Variants in NRXN3 observed in about 807,000 individuals in gnomAD.
NRXN3 encodes the protein neurexin 3.
In NRXN3, 32 loss-of-function variants were observed where a neutral mutation model predicts 137.6. The observed-to-expected ratio is 0.23, with a 90% CI of 0.18 to 0.31. NRXN3 has a LOEUF of 0.31. Among genes scored for constraint, NRXN3 ranks in the 10% least tolerant of loss-of-function variants. The probability of loss-of-function intolerance (pLI) is 1.00; values close to 1 mark genes in which losing one functional copy is unlikely to be tolerated. For synonymous variants in NRXN3, 798 were observed against 784.5 expected (o/e 1.02, Z -0.29); for missense variants, 1,574 against 2,062.5 (o/e 0.76, Z 4.59).
At chr14:79,442,413 A>G (rs1269255605) in intron 15 of NRXN3, among the ~76,000 whole-genome samples, 4 of 152,218 alleles carry the variant, frequency 2.6e-5, no homozygotes, top group African/African-American at 9.6e-5. Flanking sequence ...GCTCATAATA[A>G]TAATGGTTCC....
chr14:78,840,127 A>G (rs1406201188), intron 10 of NRXN3, among the ~76,000 whole-genome samples: 3 of 152,202 alleles, frequency 2.0e-5, no homozygotes. Context: ...TTCTTCTGAG[A>G]GAACTATTTG....
chr14:79,743,347 A>C (rs1228369562), intron 19 of NRXN3, among the ~76,000 whole-genome samples: 3 of 152,168 alleles, frequency 2.0e-5, no homozygotes, highest in Admixed American at 6.5e-5. Flanking sequence ...GTGGTTCCCA[A>C]GGAGGTGGAG....
chr14:78,778,765 T>TTTCC (rs2098756146), intron 8 of NRXN3, among the ~76,000 whole-genome samples: 1 of 36,586 alleles, frequency 2.7e-5, no homozygotes, highest in African/African-American at 1.3e-4. Context: ...TTTCTCTTTC[T>TTTCC]TTCTTTCTTT....
chr14:79,118,439 C>A (rs2054837198), intron 15 of NRXN3, among the ~76,000 whole-genome samples: 1 of 152,146 alleles, frequency 6.6e-6, no homozygotes, highest in Non-Finnish European at 1.5e-5. Context: ...ACAGGCCAAG[C>A]ATTTAAGTGT....
chr14:78,926,850 AT>A lies in NRXN3; in HGVS notation c.2276-30390del, dbSNP rs1179687531. Among the ~76,000 whole-genome samples, 3 of 22,162 alleles carry A rather than the reference AT, an allele frequency of 1.4e-4. 1 individual carries two copies. The highest frequency in any genetic ancestry group is 7.8e-4 in the African/African-American group (2 of 2,580). The allele number at this position is 22,162 out of a possible 152,430, so 14.5% of individuals were successfully genotyped here. On this transcript the variant is annotated intron_variant, in intron 10 of 20. Coordinates refer to ENST00000335750, the MANE Select transcript of NRXN3 (RefSeq NM_001330195.2). ...TATAATTTATATAAATATATAATAT[AT>A]TATATATATAATATATATATAATAT...
chr14:78,629,733 G>C (rs72683559), intron 4 of NRXN3, among the ~76,000 whole-genome samples: 9,289 of 152,294 alleles, frequency 0.061, 345 homozygotes, highest in Middle Eastern at 0.15. Flanking sequence ...TAATGAGCTA[G>C]ATGACTGTGA....
intron 15 of NRXN3, among the ~76,000 whole-genome samples, chr14:79,029,718 T>C (rs2099604250): frequency 6.6e-6 from 1 of 152,038 alleles, no homozygotes; most frequent in South Asian, 2.1e-4. Context: ...TAAAAATATC[T>C]CCAGATGTTG....
chr14:79,092,857 A>G lies in NRXN3; in HGVS notation c.3262+104716A>G, dbSNP rs185475293. On this transcript the variant is annotated intron_variant, in intron 15 of 20. Transcript: ENST00000335750. ...ATCCCAGTTTTATAGTAAAAAGATC[A>G]AAGATCTTCCCCAAAGTCTCTGCCC... 2.9e-3 allele frequency among the ~76,000 whole-genome samples: 443 copies of G among 152,240 alleles called. 1 individual carries two copies. The highest frequency in any genetic ancestry group is 8.1e-3 in the Admixed American group (124 of 15,290).
intron 15 of NRXN3, among the ~76,000 whole-genome samples, chr14:79,130,582 C>A (rs1412571875): frequency 6.6e-6 from 1 of 151,740 alleles, no homozygotes; most frequent in East Asian, 1.9e-4. Context: ...TTGTGGGTAA[C>A]CCGACCTTTC....
At position 79,347,229 on chromosome 14, in the gene NRXN3, G is replaced by GT. The variant is rs938623522; in HGVS notation, c.3263-119983dup. Among the ~76,000 whole-genome samples, 5 of 150,964 alleles carry GT rather than the reference G, an allele frequency of 3.3e-5. 1 individual carries two copies. The highest frequency in any genetic ancestry group is 2.6e-4 in the Admixed American group (4 of 15,124). ...TTTTTCTTTAATTTTCTGAGAGAAG[G>GT]TTTTTTTTTAATTTGGAGAAATTTT... On this transcript the variant is annotated intron_variant, in intron 15 of 20. Transcript: ENST00000335750.
chr14:78,572,441 G>T (rs1334967274), intron 4 of NRXN3, among the ~76,000 whole-genome samples: 1 of 152,154 alleles, frequency 6.6e-6, no homozygotes, highest in Non-Finnish European at 1.5e-5. Flanking sequence ...TTTGCACAGG[G>T]AAGTTCTAGT....
intron 18 of NRXN3, among the ~76,000 whole-genome samples, chr14:79,695,648 A>C (rs1406184288): frequency 2.0e-5 from 3 of 151,834 alleles, no homozygotes; most frequent in East Asian, 1.9e-4. Flanking sequence ...AAAAAAAAAA[A>C]AAAAAAACTG....
At chr14:79,358,448 C>T in intron 15 of NRXN3, among the ~76,000 whole-genome samples, 1 of 151,184 alleles carries the variant, frequency 6.6e-6, no homozygotes, top group Admixed American at 6.6e-5. Context: ...GTGGCGGGCG[C>T]CTGTAGTCCC....
chr14:78,468,747 T>C (rs1224478050), intron 4 of NRXN3, among the ~76,000 whole-genome samples: 2 of 152,288 alleles, frequency 1.3e-5, no homozygotes, highest in East Asian at 3.9e-4. Flanking sequence ...TTGCAATCAA[T>C]CCAGTAGAGC....
intron 4 of NRXN3, among the ~76,000 whole-genome samples, chr14:78,571,655 T>C (rs560712028): frequency 3.3e-5 from 5 of 152,258 alleles, no homozygotes; most frequent in East Asian, 1.9e-4. Flanking sequence ...TTGAAAAAGG[T>C]GTGGAGGTAT....
intron 14 of NRXN3, among the ~76,000 whole-genome samples, 162 bp downstream of exon 14, chr14:78,968,508 G>A (rs1251616396): frequency 6.6e-6 from 1 of 152,154 alleles, no homozygotes; most frequent in Non-Finnish European, 1.5e-5. Context: ...CACTGGTTTA[G>A]TATGTCAAGA....
intron 6 of NRXN3, among the ~76,000 whole-genome samples, chr14:78,657,577 C>G (rs1441396257): frequency 6.6e-6 from 1 of 152,216 alleles, no homozygotes; most frequent in Admixed American, 6.5e-5. Context: ...GATAGAACAT[C>G]ATTGTGCACA....
At chr14:78,632,062 C>T (rs180911232) in intron 4 of NRXN3, among the ~76,000 whole-genome samples, 7,553 of 148,816 alleles carry the variant, frequency 0.051, 261 homozygotes, top group Middle Eastern at 0.15. Context: ...TGCAGTGAGC[C>T]GAGATCGCGC....
At chr14:79,230,831 G>A (rs1019870410) in intron 15 of NRXN3, among the ~76,000 whole-genome samples, 7 of 151,990 alleles carry the variant, frequency 4.6e-5, no homozygotes, top group African/African-American at 1.2e-4. Context: ...CTAGTAATGT[G>A]ACCTCCTGCT....
Sources: allele counts gnomAD v4.1 joint callset (sites outside exome capture counted in the v4.1 genomes callset), GRCh38; gene constraint gnomAD v4.1.1; transcripts MANE v1.5; gene names NCBI Gene and HGNC (gene_info 2026-07-23, HGNC 2026-07-21).